The following RPS6KC1 variants were observed in gnomAD, a reference collection of about 807,000 sequenced individuals.
RPS6KC1 encodes ribosomal protein S6 kinase C1, also known as inactive ribosomal protein S6 kinase delta-1.
RPS6KC1 carries 54 observed loss-of-function variants against 103.8 expected under a neutral mutation model. That is an observed-to-expected ratio of 0.52 (90% CI 0.42 to 0.65). The LOEUF is 0.65. Ranked by LOEUF, RPS6KC1 falls within the 30% of genes least tolerant of loss-of-function variation. The pLI, the probability that RPS6KC1 is intolerant of heterozygous loss-of-function variation, is 0.00. For missense variants in RPS6KC1, 1,151 were observed against 1,253.8 expected (o/e 0.92, Z 1.24); for synonymous variants, 439 against 438.7 (o/e 1.00, Z -0.01).
chr1:213,150,958 T>C (rs1572855106), intron 6 of RPS6KC1, among the ~76,000 whole-genome samples: 1 of 132,294 alleles, frequency 7.6e-6, no homozygotes, highest in African/African-American at 2.9e-5. Context: ...CCCCCCCACC[T>C]CCCTCCCGGA....
At chr1:213,438,826 C>G in the RPS6KC1 span, among the ~76,000 whole-genome samples, 1 of 145,006 alleles carries the variant, frequency 6.9e-6, no homozygotes, top group Non-Finnish European at 1.5e-5. Flanking sequence ...TGGAGTCTCG[C>G]TCTGTCACCC....
At chr1:213,620,735 G>A in the RPS6KC1 span, among the ~76,000 whole-genome samples, 52 of 152,310 alleles carry the variant, frequency 3.4e-4, no homozygotes, top group Admixed American at 3.9e-4. Flanking sequence ...TGGAGACACA[G>A]TATGGTTAAG....
At chr1:213,743,468 A>G in the RPS6KC1 span, among the ~76,000 whole-genome samples, 1 of 152,236 alleles carries the variant, frequency 6.6e-6, no homozygotes. Context: ...TGCCCATGTA[A>G]CAAACATGCA....
chr1:213,413,241 G>A, the RPS6KC1 span, among the ~76,000 whole-genome samples: 2 of 152,206 alleles, frequency 1.3e-5, no homozygotes, highest in Admixed American at 6.5e-5. Flanking sequence ...ATCACTTCAA[G>A]CATTTATGAT....
the RPS6KC1 span, among the ~76,000 whole-genome samples, chr1:213,346,865 A>G: frequency 1.3e-5 from 2 of 152,212 alleles, no homozygotes; most frequent in African/African-American, 4.8e-5. Context: ...CATGTGGAGC[A>G]GAGGCTTCCT....
intron 8 of RPS6KC1, among the ~76,000 whole-genome samples, chr1:213,216,924 G>T (rs928559119): frequency 6.6e-6 from 1 of 152,028 alleles, no homozygotes; most frequent in Non-Finnish European, 1.5e-5. Context: ...AAGCAGGAAA[G>T]ATCTAAAATT....
chr1:213,447,714 T>A, the RPS6KC1 span, among the ~76,000 whole-genome samples: 5 of 152,296 alleles, frequency 3.3e-5, no homozygotes, highest in East Asian at 9.7e-4. Flanking sequence ...TTTAGGACAA[T>A]CTCTGAATGA....
chr1:213,534,709 A>G, the RPS6KC1 span, among the ~76,000 whole-genome samples: 1 of 152,240 alleles, frequency 6.6e-6, no homozygotes, highest in Non-Finnish European at 1.5e-5. Flanking sequence ...GAGATGAACA[A>G]TTTATTACTT....
At chr1:213,088,874 T>G (rs1356001057) in intron 3 of RPS6KC1, among the ~76,000 whole-genome samples, 1 of 152,164 alleles carries the variant, frequency 6.6e-6, no homozygotes, top group Non-Finnish European at 1.5e-5. Flanking sequence ...TCACTGAACT[T>G]GACACTTGCT....
the RPS6KC1 span, among the ~76,000 whole-genome samples, chr1:213,756,035 G>A: frequency 6.6e-6 from 1 of 152,208 alleles, no homozygotes; most frequent in African/African-American, 2.4e-5. Context: ...TTACAAAGAA[G>A]TGTTGAGGTG....
chr1:213,370,432 T>C, the RPS6KC1 span, among the ~76,000 whole-genome samples: 1 of 152,160 alleles, frequency 6.6e-6, no homozygotes, highest in East Asian at 1.9e-4. Context: ...ATAAGATTTG[T>C]TGGGCACTTA....
At chr1:213,070,025 TAGA>T (rs2078725585) in intron 1 of RPS6KC1, among the ~76,000 whole-genome samples, 1 of 152,240 alleles carries the variant, frequency 6.6e-6, no homozygotes, top group Admixed American at 6.5e-5. Flanking sequence ...GGAGTATTGA[TAGA>T]AGGATTATTT....
the RPS6KC1 span, among the ~76,000 whole-genome samples, chr1:213,706,687 A>G: frequency 6.6e-6 from 1 of 151,928 alleles, no homozygotes; most frequent in African/African-American, 2.4e-5. Flanking sequence ...TTCTAATGCT[A>G]TTCCTCCCCT....
the RPS6KC1 span, among the ~76,000 whole-genome samples, chr1:213,743,851 G>C: frequency 6.6e-6 from 1 of 152,212 alleles, no homozygotes; most frequent in African/African-American, 2.4e-5. Flanking sequence ...ATAGGCCAAA[G>C]AGTGCTTGAG....
At chr1:213,372,635 C>A in the RPS6KC1 span, among the ~76,000 whole-genome samples, 1 of 152,182 alleles carries the variant, frequency 6.6e-6, no homozygotes, top group Non-Finnish European at 1.5e-5. Context: ...AGTGTCAGAG[C>A]AGTTTATTTG....
In RPS6KC1 at chr1:213,095,093, C is replaced by G. The variant is rs565002429; in HGVS notation, c.263-9361C>G. On this transcript the variant is annotated intron_variant, in intron 3 of 14. Coordinates refer to ENST00000366960, the MANE Select transcript of RPS6KC1 (RefSeq NM_012424.6). ...CCCTTCCCTAACACAAGCCAAAGCC[C>G]TGTAAGTCCTTTCTGATACCCTCTT... is the stretch of plus-strand genomic sequence containing the variant. Among the ~76,000 whole-genome samples, 3 of 152,306 alleles carry G rather than the reference C, an allele frequency of 2.0e-5. No individual in the cohort carries two copies. The South Asian group carries it at 6.2e-4, about 32-fold the overall frequency.
the RPS6KC1 span, among the ~76,000 whole-genome samples, chr1:213,369,021 A>T: frequency 2.6e-5 from 4 of 152,220 alleles, no homozygotes. Flanking sequence ...CTCTGAACTT[A>T]CTTTATGTTA....
chr1:213,359,104 G>C, the RPS6KC1 span, among the ~76,000 whole-genome samples: 2 of 152,040 alleles, frequency 1.3e-5, no homozygotes, highest in African/African-American at 2.4e-5. Context: ...CAATTCCTGG[G>C]TATCGTTGTG....
the RPS6KC1 span, among the ~76,000 whole-genome samples, chr1:213,837,645 A>T: frequency 6.6e-6 from 1 of 152,152 alleles, no homozygotes. Context: ...GGCACCCTGC[A>T]CTGGTTTTTA....
Sources: allele counts gnomAD v4.1 joint callset (sites outside exome capture counted in the v4.1 genomes callset), GRCh38; gene constraint gnomAD v4.1.1; transcripts MANE v1.5; gene names NCBI Gene and HGNC (gene_info 2026-07-23, HGNC 2026-07-21).